Variants in CCAR1 observed in about 807,000 individuals in gnomAD.
The protein encoded by CCAR1 is cell division cycle and apoptosis regulator protein 1.
CCAR1 carries 78 observed loss-of-function variants against 163.8 expected under a neutral mutation model. That is an observed-to-expected ratio of 0.48 (90% CI 0.40 to 0.57). CCAR1 has a LOEUF of 0.57. CCAR1 is among the 20% of genes least tolerant of loss of function. CCAR1 has a pLI of 0.00. For missense variants in CCAR1, 1,019 were observed against 1,365.2 expected, an observed-to-expected ratio of 0.75 and a Z score of 4.00; for synonymous variants, 443 against 460.7, an observed-to-expected ratio of 0.96 and a Z score of 0.49.
chr10:68,764,791 T>C (rs1365920169), intron 16 of CCAR1, among the ~76,000 whole-genome samples: 2 of 152,200 alleles, frequency 1.3e-5, no homozygotes, highest in African/African-American at 4.8e-5. Flanking sequence ...GTGTCTCTTG[T>C]AACATTTTCT....
intron 1 of CCAR1, chr10:68,721,608 C>T (rs185937903): frequency 9.0e-6 from 4 of 446,106 alleles, no homozygotes; most frequent in Non-Finnish European, 1.3e-5. Flanking sequence ...CCCCCCGGCC[C>T]GGGACATCGT....
At chr10:68,752,430 G>C (rs1358119931) in intron 10 of CCAR1, among the ~76,000 whole-genome samples, 1 of 152,030 alleles carries the variant, frequency 6.6e-6, no homozygotes, top group Non-Finnish European at 1.5e-5. Flanking sequence ...TACTCCTGTG[G>C]GGTAAAACAT....
intron 16 of CCAR1, among the ~76,000 whole-genome samples, chr10:68,762,037 C>G (rs919722211): frequency 7.2e-5 from 11 of 151,980 alleles, no homozygotes; most frequent in African/African-American, 2.4e-4. Flanking sequence ...CAAAACAGTT[C>G]TAGGTAAAAA....
intron 6 of CCAR1, among the ~76,000 whole-genome samples, chr10:68,745,937 A>T (rs1310062185): frequency 1.3e-5 from 2 of 151,964 alleles, no homozygotes; most frequent in Non-Finnish European, 2.9e-5. Context: ...GTACCTGGCC[A>T]TCTACTTTTT....
At chr10:68,791,016 A>C (rs1481750507) in intron 24 of CCAR1, among the ~76,000 whole-genome samples, 191 bp from the exon 25 acceptor site, 4 of 151,934 alleles carry the variant, frequency 2.6e-5, no homozygotes, top group Non-Finnish European at 5.9e-5. Flanking sequence ...GCATTTTTAG[A>C]CCCCATTTAT....
chr10:68,725,937 G>A (rs997995437), intron 2 of CCAR1, among the ~76,000 whole-genome samples: 2 of 151,924 alleles, frequency 1.3e-5, no homozygotes, highest in South Asian at 4.1e-4. Context: ...GCAATATAAC[G>A]AAACCCCATC....
intron 18 of CCAR1, among the ~76,000 whole-genome samples, chr10:68,772,167 C>T (rs879291498): frequency 1.3e-4 from 20 of 152,104 alleles, no homozygotes; most frequent in Non-Finnish European, 2.8e-4. Context: ...ATGTGAGCCA[C>T]CGCACCCAGC....
chr10:68,777,789 G>A lies in CCAR1; in HGVS notation c.2650+4690G>A, dbSNP rs141486982. Among the ~76,000 whole-genome samples, 368 of 152,120 alleles carry A rather than the reference G, an allele frequency of 2.4e-3. 2 individuals carry two copies. Among genetic ancestry groups the A allele is most frequent in the African/African-American group, 8.3e-3 (344 of 41,510 alleles). ...TCTACAGAAAATAAAAAATGTATCC[G>A]GGCTTGGTGGTGCATGCCTGTAATC... On this transcript the variant is annotated intron_variant, in intron 19 of 24. Transcript: ENST00000265872.
rs1202562864 is a variant in CCAR1, at chr10:68,769,738, G to A, written c.2299-1468G>A. Among the ~76,000 whole-genome samples the A allele has an allele frequency of 4.0e-5, 6 of 151,352 alleles. No individual in the cohort carries two copies. The East Asian group carries it at 5.8e-4, about 15-fold the overall frequency. On this transcript the variant is annotated intron_variant, in intron 17 of 24. Coordinates refer to ENST00000265872, the MANE Select transcript of CCAR1 (RefSeq NM_018237.4). ...GGGGGGATCATGAGGCCAGGAGATC[G>A]AGACCATCCTGGCTAACACGGTGAA...
intron 17 of CCAR1, 130 bp downstream of exon 17, chr10:68,766,209 T>C (rs1186501883): frequency 4.6e-6 from 3 of 646,864 alleles, no homozygotes; most frequent in African/African-American, 1.9e-5. Context: ...TGTTTTGTTT[T>C]TGTTTTTTTT....
intron 19 of CCAR1, 61 bp from the exon 20 acceptor site, chr10:68,786,075 G>A (rs1049238511): frequency 1.8e-6 from 2 of 1,106,262 alleles, no homozygotes; most frequent in African/African-American, 3.1e-5. Context: ...ATGTGCCACT[G>A]TGCCCACTTG....
chr10:68,758,749 C>G (rs766704881), intron 15 of CCAR1, among the ~76,000 whole-genome samples: 1 of 151,190 alleles, frequency 6.6e-6, no homozygotes, highest in Non-Finnish European at 1.5e-5. Context: ...GTGGCACGAT[C>G]TTAACCTATG....
At chr10:68,735,698 G>A (rs991877465) in intron 2 of CCAR1, 20 of 152,070 alleles carry the variant, frequency 1.3e-4, no homozygotes, top group African/African-American at 4.3e-4. Context: ...GAGCTGCCTC[G>A]TCCAGCCTAC....
chr10:68,736,781 T>G, intron 2 of CCAR1, 95 bp from the exon 3 acceptor site: 1 of 1,015,504 alleles, frequency 9.8e-7, no homozygotes, highest in Non-Finnish European at 1.5e-6. Context: ...GGAGTGAACA[T>G]GGGGGTGCGG....
At chr10:68,744,833 CT>C (rs953410346) in intron 6 of CCAR1, among the ~76,000 whole-genome samples, 205 of 141,200 alleles carry the variant, frequency 1.5e-3, no homozygotes, top group Middle Eastern at 3.8e-3. Flanking sequence ...CTACTTAACT[CT>C]TTTTTTTTTT....
intron 19 of CCAR1, among the ~76,000 whole-genome samples, chr10:68,776,616 T>C (rs1439423600): frequency 6.6e-6 from 1 of 152,158 alleles, no homozygotes; most frequent in Non-Finnish European, 1.5e-5. Flanking sequence ...TATAGTGGTA[T>C]GGTCATAGCT....
At position 68,749,601 on chromosome 10, in the gene CCAR1, G is replaced by A. The variant is rs1000966819; in HGVS notation, c.1034G>A (p.Arg345Gln). 8 of 1,613,992 alleles carry A rather than the reference G, an allele frequency of 5.0e-6. No individual in the cohort carries two copies. The Admixed American group carries it at 5.0e-5, about 10-fold the overall frequency. Reference sequence around the variant, plus strand: ...AAACGTTCCCGGGAAAGATCTCCACGAAGAGAGCGAGAGCGATCACCTCGG... The same window carrying A: ...AAACGTTCCCGGGAAAGATCTCCACAAAGAGAGCGAGAGCGATCACCTCGG... ...QRKRSRERSPRRERERSPRRV... is the reference protein window; with the variant it reads ...QRKRSRERSPQRERERSPRRV... The change falls in exon 10 of 25, where the codon CGA (arginine) becomes CAA (glutamine). Residue 345 changes from arginine (R) to glutamine (Q), a missense_variant. Coordinates refer to ENST00000265872, the MANE Select transcript of CCAR1 (RefSeq NM_018237.4).
At chr10:68,785,224 T>C (rs1464163875) in intron 19 of CCAR1, among the ~76,000 whole-genome samples, 1 of 138,064 alleles carries the variant, frequency 7.2e-6, no homozygotes, top group Non-Finnish European at 1.6e-5. Context: ...GCCCTATAAC[T>C]TTTTTTTTTT....
At chr10:68,740,782 G>A (rs878893398) in intron 5 of CCAR1, 121 bp downstream of exon 5, 1 of 723,390 alleles carries the variant, frequency 1.4e-6, no homozygotes, top group South Asian at 2.1e-5. Context: ...AATAATTTAG[G>A]AATATAATGC....
Sources: gnomAD v4.1 joint callset for allele counts (sites outside exome capture counted in the v4.1 genomes callset) on GRCh38, gnomAD v4.1.1 for gene constraint, MANE v1.5 for transcripts, NCBI Gene and HGNC (gene_info 2026-07-23, HGNC 2026-07-21) for gene names.